SVEP1: variants seen among roughly 807,000 people sequenced by gnomAD.
SVEP1 encodes the protein sushi, von Willebrand factor type A, EGF and pentraxin domain-containing protein 1.
In SVEP1, 164 loss-of-function variants were observed where a neutral mutation model predicts 367.3. The observed-to-expected ratio is 0.45, with a 90% confidence interval of 0.39 to 0.51. SVEP1 has a LOEUF of 0.51. Ranked by LOEUF, SVEP1 falls within the 20% of genes least tolerant of loss-of-function variation. The pLI is 0.00. For synonymous variants in SVEP1, 1,666 were observed against 1,611.6 expected, an observed-to-expected ratio of 1.03 and a Z score of -0.81; for missense variants, 4,117 against 4,425.3, an observed-to-expected ratio of 0.93 and a Z score of 1.98.
At chr9:110,560,343 T>C (rs1421789013) in intron 1 of SVEP1, among the ~76,000 whole-genome samples, 1 of 152,190 alleles carries the variant, frequency 6.6e-6, no homozygotes, top group East Asian at 1.9e-4. Context: ...ATGATGCTTT[T>C]CTCAGAAGGT....
intron 7 of SVEP1, among the ~76,000 whole-genome samples, chr9:110,498,077 GCT>G (rs573900024): frequency 9.2e-5 from 14 of 152,292 alleles, no homozygotes; most frequent in African/African-American, 2.9e-4. Flanking sequence ...TGTACACATT[GCT>G]ACATTTCCTT....
At chr9:110,517,405 C>G (rs1283260315) in intron 3 of SVEP1, among the ~76,000 whole-genome samples, 6 of 151,848 alleles carry the variant, frequency 4.0e-5, no homozygotes, top group African/African-American at 1.5e-4. Context: ...CAAGACTGCC[C>G]TGGCCAACAT....
At chr9:110,424,360 AAGGTT>A (rs1209220298) in intron 36 of SVEP1, among the ~76,000 whole-genome samples, 1 of 151,136 alleles carries the variant, frequency 6.6e-6, no homozygotes, top group African/African-American at 2.4e-5. Flanking sequence ...TAAAAAAAAT[AAGGTT>A]AAGTGAAAAA....
chr9:110,406,138 G>A (rs944852846), intron 38 of SVEP1, 22 bp downstream of exon 38: 1 of 1,519,312 alleles, frequency 6.6e-7, no homozygotes, highest in Non-Finnish European at 8.8e-7. Context: ...ACCCCTTGGA[G>A]ACCCTAGAGC....
intron 1 of SVEP1, among the ~76,000 whole-genome samples, chr9:110,562,041 C>A (rs1830438221): frequency 6.6e-6 from 1 of 151,926 alleles, no homozygotes; most frequent in South Asian, 2.1e-4. Flanking sequence ...AACATGGATA[C>A]AAATCATTTT....
At chr9:110,450,282 A>G in intron 23 of SVEP1, 22 bp from the exon 24 acceptor site, 2 of 1,611,866 alleles carry the variant, frequency 1.2e-6, no homozygotes, top group Middle Eastern at 1.7e-4. Context: ...GAAGGAAGAG[A>G]AACAGCCCAA....
chr9:110,412,613 C>A (rs1486369606), intron 36 of SVEP1, among the ~76,000 whole-genome samples: 1 of 151,868 alleles, frequency 6.6e-6, no homozygotes, highest in African/African-American at 2.4e-5. Context: ...AGGCAACCTA[C>A]AAAATGGGAG....
At chr9:110,440,100 C>T (rs1400738752) in intron 27 of SVEP1, among the ~76,000 whole-genome samples, 2 of 152,122 alleles carry the variant, frequency 1.3e-5, no homozygotes, top group Non-Finnish European at 2.9e-5. Context: ...AACCACTGCC[C>T]CACCTCACTT....
At chr9:110,489,111 T>C (rs1190403782) in intron 9 of SVEP1, among the ~76,000 whole-genome samples, 1 of 151,694 alleles carries the variant, frequency 6.6e-6, no homozygotes, top group African/African-American at 2.4e-5. Flanking sequence ...CAAAGAGAAG[T>C]GGTAATAGTT....
At chr9:110,369,164 G>A (rs1031355224) in intron 47 of SVEP1, among the ~76,000 whole-genome samples, 1 of 152,102 alleles carries the variant, frequency 6.6e-6, no homozygotes, top group Non-Finnish European at 1.5e-5. Flanking sequence ...TGAGGACAAT[G>A]TTTGAATATT....
chr9:110,509,514 A>C (rs1051441987), intron 5 of SVEP1, among the ~76,000 whole-genome samples: 1 of 152,162 alleles, frequency 6.6e-6, no homozygotes, highest in African/African-American at 2.4e-5. Context: ...AAAAGAGAAC[A>C]AGCATGCTTT....
At chr9:110,389,194 C>G (rs1285512740) in intron 41 of SVEP1, among the ~76,000 whole-genome samples, 1 of 151,934 alleles carries the variant, frequency 6.6e-6, no homozygotes, top group Non-Finnish European at 1.5e-5. Flanking sequence ...AAAACAACAG[C>G]TCTTAGCCTT....
At chr9:110,541,929 A>G (rs892750701) in intron 3 of SVEP1, among the ~76,000 whole-genome samples, 10 of 149,416 alleles carry the variant, frequency 6.7e-5, no homozygotes, top group African/African-American at 2.4e-4. Context: ...AGATATCTAC[A>G]TATTACATTT....
intron 36 of SVEP1, among the ~76,000 whole-genome samples, chr9:110,414,487 T>A (rs1006923568): frequency 6.6e-6 from 1 of 151,990 alleles, no homozygotes; most frequent in African/African-American, 2.4e-5. Flanking sequence ...TAGGCTCAGT[T>A]CTTTGTATGA....
chr9:110,507,941 T>C (rs1829650720), intron 5 of SVEP1, among the ~76,000 whole-genome samples: 1 of 152,220 alleles, frequency 6.6e-6, no homozygotes, highest in Non-Finnish European at 1.5e-5. Flanking sequence ...AGATGCAAAT[T>C]ATACTGCTTC....
At position 110,476,265 on chromosome 9, in the gene SVEP1, C is replaced by T. The variant is rs369251985; in HGVS notation, c.2538G>A (p.Glu846=). ...CTAGGCAATATTTTTTGGTCAGGTT[C>T]TCCTCCAGTCTGCAGTCAATGTCCT... ...DAEDIDCRLE[E]NLTKKYCLEY... Residue 846 remains glutamate, a synonymous_variant, in exon 14 of 48, where the codon GAG becomes GAA. Transcript: ENST00000374469. 32 of 1,613,474 alleles carry T rather than the reference C, an allele frequency of 2.0e-5. No individual in the cohort carries two copies. The highest frequency in any genetic ancestry group is 2.6e-5 in the Non-Finnish European group (31 of 1,179,666).
chr9:110,460,490 T>C (rs958700449), intron 18 of SVEP1, among the ~76,000 whole-genome samples: 2 of 152,190 alleles, frequency 1.3e-5, no homozygotes, highest in Non-Finnish European at 2.9e-5. Flanking sequence ...TGGTGGCTCA[T>C]GCCTGTAACC....
Position 110,407,919 on chromosome 9 carries a change from G to T in SVEP1, c.7681C>A (p.Pro2561Thr). 6.2e-7 allele frequency: 1 copy of T among 1,613,966 alleles called. No homozygotes were observed. The change falls in exon 38 of 48, where the codon CCC (proline) becomes ACC (threonine). Residue 2561 changes from proline (P) to threonine (T), a missense_variant. Around this residue, in one of 4 missense-constraint regions of SVEP1, gnomAD observed 1,765 missense variants for 1,781.1 expected, o/e 0.99. Transcript: ENST00000374469. ...CCTTCTACAAAACCATTTTCAATGG[G>T]TTGTGGGGAATCACAGTGGATGGCA... ...CNAIHCDSPQ[P>T]IENGFVEGAD... is the part of the protein sequence containing the mutation.
chr9:110,377,786 C>A (rs1202289661), intron 44 of SVEP1, among the ~76,000 whole-genome samples: 2 of 152,188 alleles, frequency 1.3e-5, no homozygotes, highest in African/African-American at 2.4e-5. Context: ...TTGTTAACTA[C>A]AGTCACATTG....
Sources: allele counts gnomAD v4.1 joint callset (sites outside exome capture counted in the v4.1 genomes callset), GRCh38; gene constraint gnomAD v4.1.1; regional missense constraint gnomAD v4.1.1; transcripts MANE v1.5; gene names NCBI Gene and HGNC (gene_info 2026-07-23, HGNC 2026-07-21).